The following CFAP74 variants were observed in gnomAD, a reference collection of about 807,000 sequenced individuals.
CFAP74 encodes cilia- and flagella-associated protein 74.
CFAP74 carries 124 observed loss-of-function variants against 188.9 expected under a neutral mutation model. That is an observed-to-expected ratio of 0.66 (90% CI 0.57 to 0.76). CFAP74 has a LOEUF of 0.76. Ranked by LOEUF, CFAP74 falls within the 30% of genes least tolerant of loss-of-function variation. The pLI is 0.00. For synonymous variants in CFAP74, 956 were observed against 916.7 expected (o/e 1.04, Z -0.77); for missense variants, 2,198 against 2,165.2 (o/e 1.02, Z -0.30).
At chr1:1,955,920 T>G in intron 17 of CFAP74, 70 bp from the exon 18 acceptor site, 1 of 1,536,490 alleles carries the variant, frequency 6.5e-7, no homozygotes, top group South Asian at 1.2e-5. Context: ...CTGCCGGAAC[T>G]CCCATGAGGA....
intron 18 of CFAP74, 139 bp downstream of exon 18, chr1:1,955,552 C>T (rs1271411230): frequency 6.2e-7 from 1 of 1,611,400 alleles, no homozygotes; most frequent in Non-Finnish European, 8.5e-7. Flanking sequence ...TATTTTCTTG[C>T]TTAACCGTCA....
chr1:1,989,123 C>A, intron 2 of CFAP74, 150 bp from the exon 3 acceptor site: 1 of 454,818 alleles, frequency 2.2e-6, no homozygotes, highest in Non-Finnish European at 4.0e-6. Context: ...AGGTAAACAG[C>A]CTGGGTGACT....
rs1653133993 is a variant in CFAP74, at chr1:1,938,758, T to C, written c.3011+97A>G. 7 of 1,383,462 alleles carry C rather than the reference T, an allele frequency of 5.1e-6. No homozygotes were observed. In the African/African-American group the frequency reaches 1.0e-4, roughly 20 times the overall value. 85.7% of individuals were successfully genotyped at this position (1,383,462 alleles called of 1,614,324 possible). A position where few individuals can be genotyped will look rare whatever the true frequency, so the allele number is the denominator to read the frequency against. On this transcript the variant is annotated intron_variant, in intron 25 of 38. Coordinates refer to ENST00000682832, the MANE Select transcript of CFAP74 (RefSeq NM_001304360.2). ...CCAGCCCTGTGGTCAGCCAGGCAGA[T>C]GGGGTCAGGGGCGGGGATGTGGTGG...
intron 1 of CFAP74, among the ~76,000 whole-genome samples, chr1:1,994,621 T>C (rs935624749): frequency 3.3e-5 from 5 of 152,236 alleles, no homozygotes; most frequent in African/African-American, 4.8e-5. Context: ...TGGCCAAACC[T>C]ATTCAGCTCT....
At chr1:1,962,882 C>T (rs1321237862) in intron 14 of CFAP74, among the ~76,000 whole-genome samples, 2 of 152,068 alleles carry the variant, frequency 1.3e-5, no homozygotes, top group African/African-American at 2.4e-5. Context: ...GAGCAAGACC[C>T]TGTCAAAAAC....
In CFAP74 at chr1:1,941,998, C is replaced by T. The variant is rs768735970; in HGVS notation, c.2615+30G>A. 6.2e-6 allele frequency: 9 copies of T among 1,460,696 alleles called. No individual in the cohort carries two copies. In the South Asian group the frequency reaches 9.8e-5, roughly 16 times the overall value. 90.5% of individuals were successfully genotyped at this position (1,460,696 alleles called of 1,614,324 possible). A position where few individuals can be genotyped will look rare whatever the true frequency, so the allele number is the denominator to read the frequency against. ...GGAGCCCACAACCTCCCACGTCCTCCTGTCCCGGCCTTGGCGTCCTGGCAC... is the reference window on the plus strand; with the variant it reads ...GGAGCCCACAACCTCCCACGTCCTCTTGTCCCGGCCTTGGCGTCCTGGCAC... On this transcript the variant is annotated intron_variant, in intron 22 of 38. Transcript: ENST00000682832.
intron 1 of CFAP74, among the ~76,000 whole-genome samples, chr1:2,001,720 TAACGTGAC>T (rs947875948): frequency 1.5e-4 from 23 of 152,172 alleles, no homozygotes; most frequent in African/African-American, 5.6e-4. Flanking sequence ...ACATCATCAG[TAACGTGAC>T]AACGTGACCA....
rs1558039099 is a variant in CFAP74, at chr1:1,969,225, GCCCTGCCCAA to G, written c.1047-402_1047-393del. 1.2e-4 allele frequency among the ~76,000 whole-genome samples: 9 copies of G among 77,692 alleles called. No homozygotes were observed. In the East Asian group the frequency reaches 2.5e-3, roughly 21 times the overall value. 51.0% of individuals were successfully genotyped at this position (77,692 alleles called of 152,430 possible). On this transcript the variant is annotated intron_variant, in intron 10 of 38. Transcript: ENST00000682832. ...GCCCAGCCTAGCCCTGCCCAGCCCT[GCCCTGCCCAA>G]CCCAGCCCTGCCCAGCCCTGCCCAA... is the stretch of plus-strand genomic sequence containing the variant.
chr1:1,922,540 G>C (rs370656249), intron 38 of CFAP74, 49 bp downstream of exon 38: 3 of 1,599,220 alleles, frequency 1.9e-6, no homozygotes, highest in African/African-American at 2.7e-5. Context: ...AGCCCACCCA[G>C]CCTTTGGCGT....
chr1:1,947,082 A>G (rs1653824509), intron 18 of CFAP74, 28 bp from the exon 19 acceptor site: 1 of 1,504,304 alleles, frequency 6.6e-7, no homozygotes. Context: ...TCCAGAGGTG[A>G]GGGTTGGCAG....
chr1:1,950,032 T>C (rs1484048346), intron 18 of CFAP74, among the ~76,000 whole-genome samples: 4 of 152,236 alleles, frequency 2.6e-5, no homozygotes, highest in African/African-American at 9.6e-5. Context: ...GGTGGATACC[T>C]AGGAGTGGCC....
intron 1 of CFAP74, among the ~76,000 whole-genome samples, chr1:1,996,800 C>T (rs541457217): frequency 6.6e-6 from 1 of 151,212 alleles, no homozygotes; most frequent in Admixed American, 6.6e-5. Flanking sequence ...AGGCACCTGT[C>T]ATCCCAGCTA....
At chr1:1,933,951 C>T (rs577276416) in intron 25 of CFAP74, among the ~76,000 whole-genome samples, 14 of 152,290 alleles carry the variant, frequency 9.2e-5, no homozygotes, top group Non-Finnish European at 5.9e-5. Context: ...TCTGACAGCC[C>T]GCAGGCCTCA....
rs772460254 is a variant in CFAP74 at position 1,968,752 on chromosome 1, C to T, written c.1128G>A (p.Arg376=). 4.3e-6 allele frequency: 7 copies of T among 1,613,888 alleles called. No homozygotes were observed. The highest frequency in any genetic ancestry group is 1.7e-5 in the Admixed American group (1 of 60,012). The part of the protein sequence containing the change: ...ILKEEAEEEK[R]KKQHPPTSAR... The stretch of plus-strand genomic sequence containing the variant: ...CACTGGTGGGGGGATGCTGTTTCTT[C>T]CTCTTTTCCTCCTCAGCCTCCTCTT... Residue 376 remains arginine, a synonymous_variant, in exon 11 of 39, where the codon AGG becomes AGA. Coordinates refer to ENST00000682832, the MANE Select transcript of CFAP74 (RefSeq NM_001304360.2). This position sits in a 1 kb window ranked among gnomAD's most constrained non-coding sequence, Gnocchi z 4.3.
Position 1,942,675 on chromosome 1 carries a change from C to G in CFAP74, c.2487-519G>C, listed in dbSNP as rs58467471. Among the ~76,000 whole-genome samples the G allele has an allele frequency of 0.02, 3,120 of 152,286 alleles. 97 individuals are homozygous for G. Among genetic ancestry groups the G allele is most frequent in the African/African-American group, 0.065 (2,699 of 41,532 alleles). ...AGGTACCCGCCAGTCACCTGGGAGG[C>G]CATGCGTCTGTCCGGTCCCTACCTC... On this transcript the variant is annotated intron_variant, in intron 21 of 38. Transcript: ENST00000682832. The surrounding 1 kb of genome is among the most constrained non-coding windows in gnomAD (Gnocchi z 4.3).
intron 25 of CFAP74, among the ~76,000 whole-genome samples, chr1:1,935,322 G>A (rs1352360685): frequency 2.1e-5 from 2 of 94,740 alleles, no homozygotes; most frequent in African/African-American, 3.8e-5. Flanking sequence ...TAGGTTGTAG[G>A]TACACAGGTG....
intron 18 of CFAP74, among the ~76,000 whole-genome samples, chr1:1,947,689 TC>T (rs1222673737): frequency 6.6e-6 from 1 of 152,212 alleles, no homozygotes; most frequent in African/African-American, 2.4e-5. Context: ...TGCTGCCCGG[TC>T]GGGTCAGAGC....
Position 1,965,015 on chromosome 1 carries a change from A to G in CFAP74, c.1448T>C (p.Met483Thr). ...VDRKPVGGTK[M>T]DKDILERTVE... The stretch of plus-strand genomic sequence containing the variant: ...CGTGCGCTCCAGGATGTCCTTGTCC[A>G]TCTTTGTCCCGCCCACGGGCTTTCG... The change falls in exon 13 of 39, where the codon ATG (methionine) becomes ACG (threonine). Residue 483 changes from methionine to threonine, a missense_variant. Physicochemically the swap from Met to Thr is moderately conservative, Grantham distance 81 (BLOSUM62 -1). Transcript: ENST00000682832. 1 of 1,613,820 alleles carries G rather than the reference A, an allele frequency of 6.2e-7. No individual in the cohort carries two copies. Among genetic ancestry groups the G allele is most frequent in the Non-Finnish European group, 8.5e-7 (1 of 1,179,874 alleles).
In CFAP74 at chr1:1,968,962, G is replaced by T; in HGVS notation, c.1047-129C>A. On this transcript the variant is annotated intron_variant, in intron 10 of 38. Transcript: ENST00000682832. The surrounding 1 kb of genome is among the most constrained non-coding windows in gnomAD (Gnocchi z 4.3). ...CTCCGGTCCTGCCCAGCAGCCCCAG[G>T]TGAGACAGCGCCTGGCGGCCCCTCC... is the stretch of plus-strand genomic sequence containing the variant. 1 of 455,580 alleles carries T rather than the reference G, an allele frequency of 2.2e-6. No homozygotes were observed. The highest frequency in any genetic ancestry group is 2.5e-5 in the African/African-American group (1 of 39,990). The allele number at this position is 455,580 out of a possible 1,614,324, so 28.2% of individuals were successfully genotyped here. A position where few individuals can be genotyped will look rare whatever the true frequency, so the allele number is the denominator to read the frequency against.
Sources: allele counts gnomAD v4.1 joint callset (sites outside exome capture counted in the v4.1 genomes callset), GRCh38; gene constraint gnomAD v4.1.1; non-coding constraint Gnocchi (gnomAD v3.1); transcripts MANE v1.5; gene names NCBI Gene and HGNC (gene_info 2026-07-23, HGNC 2026-07-21).